The following MOK variants were observed in gnomAD, a reference collection of about 807,000 sequenced individuals.
The protein encoded by MOK is MAPK/MAK/MRK overlapping kinase.
In MOK, 59 loss-of-function variants were observed where a neutral mutation model predicts 54.2. The ratio of observed to expected loss-of-function variants is 1.09; its 90% confidence interval spans 0.88 to 1.35. The LOEUF is 1.35. Ranked by LOEUF, MOK falls within the 40% of genes most tolerant of loss-of-function variation. The probability of loss-of-function intolerance (pLI) is 0.00; values close to 1 mark genes in which losing one functional copy is unlikely to be tolerated. For synonymous variants in MOK, 210 were observed against 202.7 expected (o/e 1.04, Z -0.31); for missense variants, 517 against 526.2 (o/e 0.98, Z 0.17).
intron 2 of MOK, among the ~76,000 whole-genome samples, chr14:102,266,873 C>T (rs12887648): frequency 0.2 from 30,903 of 152,140 alleles, 3,640 homozygotes; most frequent in African/African-American, 0.32. Context: ...TGAGCTACCA[C>T]GCCCGGCCCT....
Position 102,251,745 on chromosome 14 carries a change from A to G in MOK, c.411+11T>C. The G allele has an allele frequency of 2.6e-6, 4 of 1,561,794 alleles. No homozygotes were observed. The highest frequency in any genetic ancestry group is 1.7e-5 in the Admixed American group (1 of 59,270). The stretch of plus-strand genomic sequence containing the variant: ...TATTCTGATACCCAGCTTTCATGTA[A>G]AAGCTCTTACCTTTATTAGTATATT... On this transcript the variant is annotated intron_variant, in intron 6 of 11. Transcript: ENST00000361847.
chr14:102,229,606 A>C lies in MOK; in HGVS notation c.1033T>G (p.Tyr345Asp), dbSNP rs200992317. 31 of 1,614,040 alleles carry C rather than the reference A, an allele frequency of 1.9e-5. No individual in the cohort carries two copies. Among genetic ancestry groups the C allele is most frequent in the Non-Finnish European group, 2.6e-5 (31 of 1,180,024 alleles). ...TTTAGTTTGGGCAGTTCCATGACATAGGCCGGTCCTCGTCTCTTGGGACGG... is the reference window on the plus strand; with the variant it reads ...TTTAGTTTGGGCAGTTCCATGACATCGGCCGGTCCTCGTCTCTTGGGACGG... Reference protein sequence around the residue: ...EDRPKRRGPAYVMELPKLKLS... With the variant: ...EDRPKRRGPADVMELPKLKLS... The change falls in exon 11 of 12, where the codon TAT becomes GAT. Residue 345 changes from tyrosine to aspartate, a missense_variant. Coordinates refer to ENST00000361847, the MANE Select transcript of MOK (RefSeq NM_014226.3).
At chr14:102,222,141 T>A (rs2063967600), downstream of MOK, among the ~76,000 whole-genome samples, 1 of 140,618 alleles carries the variant, frequency 7.1e-6, no homozygotes, top group Non-Finnish European at 1.5e-5. This position sits in a 1 kb window ranked among gnomAD's most constrained non-coding sequence, Gnocchi z 4.4. Flanking sequence ...AAGAGCCAGA[T>A]GCCCCCCACC....
intron 1 of MOK, among the ~76,000 whole-genome samples, chr14:102,298,483 C>T (rs2210315): frequency 0.26 from 40,143 of 151,878 alleles, 6,699 homozygotes; most frequent in African/African-American, 0.49. Context: ...TCAAGGTTTG[C>T]AAATGCACCA....
intron 1 of MOK, 59 bp downstream of exon 1, chr14:102,304,903 T>TTCCCCC: frequency 1.4e-6 from 2 of 1,390,722 alleles, no homozygotes; most frequent in Admixed American, 2.0e-5. Flanking sequence ...GCTCCCCCAG[T>TTCCCCC]CCCTCCCTCC....
At chr14:102,227,086 A>G (rs1240727926), downstream of MOK, among the ~76,000 whole-genome samples, 2 of 152,106 alleles carry the variant, frequency 1.3e-5, no homozygotes, top group African/African-American at 4.8e-5. Context: ...CAGTCAGGAC[A>G]GGGCAGCTGG....
At chr14:102,264,549 G>C (rs751920921) in intron 3 of MOK, 2 of 152,208 alleles carry the variant, frequency 1.3e-5, no homozygotes, top group African/African-American at 2.4e-5. Flanking sequence ...AAGAGGTCTC[G>C]GTTGTTCCGA....
rs1223395786 is a variant in MOK, at chr14:102,245,303, G to A, written c.590+5509C>T. ...ACTCGAAGCAGCCCTGAGAAACATC[G>A]CCCATTATCTCTTCATACCACCCCC... is the stretch of plus-strand genomic sequence containing the variant. On this transcript the variant is annotated intron_variant, in intron 7 of 11. Transcript: ENST00000361847. This position sits in a 1 kb window ranked among gnomAD's most constrained non-coding sequence, Gnocchi z 4.3. Among the ~76,000 whole-genome samples, 2 of 151,392 alleles carry A rather than the reference G, an allele frequency of 1.3e-5. No individual in the cohort carries two copies. Among genetic ancestry groups the A allele is most frequent in the South Asian group, 2.1e-4 (1 of 4,772 alleles).
chr14:102,265,808 T>C lies in MOK; in HGVS notation c.212+15A>G, dbSNP rs1173660879. 6.2e-7 allele frequency: 1 copy of C among 1,600,118 alleles called. No individual in the cohort carries two copies. Among genetic ancestry groups the C allele is most frequent in the South Asian group, 1.1e-5 (1 of 90,378 alleles). On this transcript the variant is annotated intron_variant, in intron 3 of 11. Transcript: ENST00000361847. ...ATCAAATTTAGATAACTTTTCAAGC[T>C]CCAAATATACTTACAAAACCACTTC...
At chr14:102,293,185 TCA>T (rs2070962892) in intron 1 of MOK, among the ~76,000 whole-genome samples, 1 of 152,180 alleles carries the variant, frequency 6.6e-6, no homozygotes, top group Non-Finnish European at 1.5e-5. Context: ...AAGATGGTAT[TCA>T]CAGTGTCACA....
intron 4 of MOK, among the ~76,000 whole-genome samples, chr14:102,261,101 C>CA (rs1361147561): frequency 2.0e-5 from 3 of 151,466 alleles, no homozygotes; most frequent in African/African-American, 7.3e-5. Flanking sequence ...ACTAAAAATA[C>CA]AAAAAAATAG....
At chr14:102,221,063 C>CGT (rs2063833381), downstream of MOK, among the ~76,000 whole-genome samples, 1 of 152,250 alleles carries the variant, frequency 6.6e-6, no homozygotes, top group Non-Finnish European at 1.5e-5. This position sits in a 1 kb window ranked among gnomAD's most constrained non-coding sequence, Gnocchi z 4.8. Context: ...AGTTGTTAAA[C>CGT]GTGCTCCCGG....
At chr14:102,252,725 G>C (rs1385770377) in intron 4 of MOK, among the ~76,000 whole-genome samples, 1 of 152,156 alleles carries the variant, frequency 6.6e-6, no homozygotes, top group African/African-American at 2.4e-5. Flanking sequence ...ACCATATTCA[G>C]AGTATTCCTA....
In MOK at chr14:102,245,222, A is replaced by C. The variant is rs2066001156; in HGVS notation, c.590+5590T>G. Among the ~76,000 whole-genome samples, 1 of 151,668 alleles carries C rather than the reference A, an allele frequency of 6.6e-6. No individual in the cohort carries two copies. The highest frequency in any genetic ancestry group is 1.5e-5 in the Non-Finnish European group (1 of 67,938). ...CCCACAATACCACCCATTACCCCAAAATCTTCCTTCAGCTGAATCTCTCCC... is the reference window on the plus strand; with the variant it reads ...CCCACAATACCACCCATTACCCCAACATCTTCCTTCAGCTGAATCTCTCCC... On this transcript the variant is annotated intron_variant, in intron 7 of 11. Coordinates refer to ENST00000361847, the MANE Select transcript of MOK (RefSeq NM_014226.3). This position sits in a 1 kb window ranked among gnomAD's most constrained non-coding sequence, Gnocchi z 4.3.
intron 1 of MOK, 147 bp from the exon 2 acceptor site, chr14:102,283,739 C>G (rs2069725501): frequency 3.5e-6 from 2 of 568,106 alleles, no homozygotes; most frequent in Non-Finnish European, 6.1e-6. Flanking sequence ...ATTTAGTGGT[C>G]CCCTCAACTT....
chr14:102,297,709 G>T (rs1187817554), intron 1 of MOK, among the ~76,000 whole-genome samples: 1 of 152,164 alleles, frequency 6.6e-6, no homozygotes, highest in African/African-American at 2.4e-5. Flanking sequence ...GGGAACCGGG[G>T]CTGCACGTGG....
Position 102,232,280 on chromosome 14 carries a change from G to A in MOK, c.866+255C>T. 2.3e-6 allele frequency: 1 copy of A among 440,468 alleles called. No homozygotes were observed. Among genetic ancestry groups the A allele is most frequent in the Non-Finnish European group, 4.0e-6 (1 of 250,716 alleles). 27.3% of individuals were successfully genotyped at this position (440,468 alleles called of 1,614,324 possible). On this transcript the variant is annotated intron_variant, in intron 9 of 11. Coordinates refer to ENST00000361847, the MANE Select transcript of MOK (RefSeq NM_014226.3). This position sits in a 1 kb window ranked among gnomAD's most constrained non-coding sequence, Gnocchi z 5.1. ...TAGAAGGATTACTACCTGTAGCCTTGGCATCAACCGCAAAGTGGACAGCCA... is the reference window on the plus strand; with the variant it reads ...TAGAAGGATTACTACCTGTAGCCTTAGCATCAACCGCAAAGTGGACAGCCA...
chr14:102,267,626 T>C (rs111356898), intron 2 of MOK, among the ~76,000 whole-genome samples: 3 of 152,192 alleles, frequency 2.0e-5, no homozygotes, highest in Non-Finnish European at 4.4e-5. Flanking sequence ...AGCCAACAAA[T>C]AGAAGCCTGA....
chr14:102,251,145 C>G (rs1252628647), intron 6 of MOK, among the ~76,000 whole-genome samples, 155 bp from the exon 7 acceptor site: 2 of 152,208 alleles, frequency 1.3e-5, no homozygotes, highest in African/African-American at 4.8e-5. Flanking sequence ...CCTCAAAGTG[C>G]CTCCAGCAGA....
Sources: gnomAD v4.1 joint callset for allele counts (sites outside exome capture counted in the v4.1 genomes callset) on GRCh38, gnomAD v4.1.1 for gene constraint, Gnocchi (gnomAD v3.1) non-coding constraint, MANE v1.5 for transcripts, NCBI Gene and HGNC (gene_info 2026-07-23, HGNC 2026-07-21) for gene names.